Variants in ADGRV1 observed in about 807,000 individuals in gnomAD.
The protein encoded by ADGRV1 is G-protein coupled receptor 98.
A neutral mutation model predicts 596.2 loss-of-function variants in ADGRV1; 359 were observed. The ratio of observed to expected loss-of-function variants is 0.60; its 90% CI spans 0.55 to 0.66. The LOEUF is 0.66. Ranked by LOEUF, ADGRV1 falls within the 30% of genes least tolerant of loss-of-function variation. ADGRV1 has a pLI of 0.00. For missense variants in ADGRV1, 7,274 were observed against 7,575.6 expected (o/e 0.96, Z 1.48); for synonymous variants, 2,681 against 2,679.2 (o/e 1.00, Z -0.02).
chr5:90,685,628 AAATAAATAAATAAAAT>A (rs1463145365), intron 28 of ADGRV1, among the ~76,000 whole-genome samples, 136 bp from the exon 29 acceptor site: 4 of 149,198 alleles, frequency 2.7e-5, no homozygotes, highest in Admixed American at 6.7e-5. Context: ...ATAAATAAAT[AAATAAATAAATAAAAT>A]AAATAGTAGA....
chr5:90,729,958 C>T (rs1271069336), intron 50 of ADGRV1, among the ~76,000 whole-genome samples, 194 bp downstream of exon 50: 2 of 152,076 alleles, frequency 1.3e-5, no homozygotes, highest in African/African-American at 4.8e-5. Context: ...GCTCCGCCTC[C>T]CAGGTTCCGC....
At chr5:90,921,803 T>G (rs1004281344) in intron 83 of ADGRV1, among the ~76,000 whole-genome samples, 2 of 150,994 alleles carry the variant, frequency 1.3e-5, no homozygotes, top group African/African-American at 2.4e-5. Flanking sequence ...CTTGTTTTTT[T>G]TTTTTTTTTT....
intron 11 of ADGRV1, among the ~76,000 whole-genome samples, chr5:90,639,295 A>G (rs996804632): frequency 5.3e-5 from 8 of 152,202 alleles, no homozygotes; most frequent in Non-Finnish European, 1.0e-4. Flanking sequence ...CTTGAAAACA[A>G]CTAAAGAAAC....
At chr5:90,654,024 T>C in intron 20 of ADGRV1, 72 bp downstream of exon 20, 1 of 1,455,272 alleles carries the variant, frequency 6.9e-7, no homozygotes, top group Non-Finnish European at 9.4e-7. Context: ...ATTTAGATTT[T>C]TAAAAAAGTG....
intron 86 of ADGRV1, among the ~76,000 whole-genome samples, chr5:91,077,145 G>A (rs577154826): frequency 6.1e-4 from 93 of 152,224 alleles, no homozygotes; most frequent in African/African-American, 1.9e-3. Flanking sequence ...AAAGAATAAC[G>A]TATAACAAAA....
intron 21 of ADGRV1, among the ~76,000 whole-genome samples, chr5:90,669,228 T>G (rs1206603478): frequency 6.6e-6 from 1 of 152,194 alleles, no homozygotes; most frequent in African/African-American, 2.4e-5. Flanking sequence ...AATCCTGATG[T>G]AGATCCCTAA....
At position 90,817,249 on chromosome 5, in the gene ADGRV1, T is replaced by G. The variant is rs1213241642; in HGVS notation, c.16196+1513T>G. 1.3e-4 allele frequency among the ~76,000 whole-genome samples: 20 copies of G among 150,680 alleles called. No individual in the cohort carries two copies. In the East Asian group the frequency reaches 3.9e-3, roughly 29 times the overall value. On this transcript the variant is annotated intron_variant, in intron 75 of 89. Transcript: ENST00000405460. The stretch of plus-strand genomic sequence containing the variant: ...CTGTTCATGTCCTTCACCCACTTTT[T>G]GATGGGGTTGTTTGTTTTTTTTCTT...
intron 1 of ADGRV1, among the ~76,000 whole-genome samples, chr5:90,564,167 T>G (rs563632692): frequency 1.1e-4 from 17 of 152,390 alleles, no homozygotes; most frequent in Middle Eastern, 3.4e-3. Flanking sequence ...TGTGAAAGAA[T>G]TGATTTTCAT....
chr5:90,824,173 T>C (rs1488421787), intron 76 of ADGRV1, among the ~76,000 whole-genome samples: 2 of 152,248 alleles, frequency 1.3e-5, no homozygotes, highest in East Asian at 3.8e-4. Flanking sequence ...TACTAAGTGA[T>C]TTTCTTTTTG....
chr5:90,619,622 T>C (rs1763791600), intron 4 of ADGRV1, among the ~76,000 whole-genome samples: 2 of 152,126 alleles, frequency 1.3e-5, no homozygotes, highest in Admixed American at 6.5e-5. Context: ...TTATTATACT[T>C]TAAGTTTTAG....
chr5:90,894,855 A>C (rs1434157976), intron 83 of ADGRV1, among the ~76,000 whole-genome samples: 1 of 152,200 alleles, frequency 6.6e-6, no homozygotes. Context: ...TCTGGTCCTT[A>C]AGTCAAAGTG....
intron 86 of ADGRV1, among the ~76,000 whole-genome samples, chr5:91,075,966 A>C (rs1788824034): frequency 6.6e-6 from 1 of 152,160 alleles, no homozygotes. Context: ...GCTTATGTAA[A>C]GAAATCTTTA....
At chr5:91,020,274 T>C (rs542051533) in intron 85 of ADGRV1, among the ~76,000 whole-genome samples, 2 of 152,134 alleles carry the variant, frequency 1.3e-5, no homozygotes, top group East Asian at 3.9e-4. Flanking sequence ...TGTGTCCGGT[T>C]CCATTTCTCA....
intron 71 of ADGRV1, among the ~76,000 whole-genome samples, 158 bp downstream of exon 71, chr5:90,803,040 A>G (rs1312276910): frequency 1.3e-5 from 2 of 152,190 alleles, no homozygotes; most frequent in Non-Finnish European, 2.9e-5. Flanking sequence ...GATATATTAT[A>G]TAAAATAATT....
At chr5:91,033,433 T>G (rs1784634826) in intron 85 of ADGRV1, among the ~76,000 whole-genome samples, 1 of 152,206 alleles carries the variant, frequency 6.6e-6, no homozygotes, top group African/African-American at 2.4e-5. Flanking sequence ...ATAGTGTGAA[T>G]TTGGATGTCA....
intron 52 of ADGRV1, among the ~76,000 whole-genome samples, chr5:90,749,079 C>CA (rs1332093426): frequency 6.6e-6 from 1 of 152,156 alleles, no homozygotes; most frequent in Non-Finnish European, 1.5e-5. Context: ...AGCCTTGCAG[C>CA]AGATGGAGAG....
intron 85 of ADGRV1, among the ~76,000 whole-genome samples, chr5:91,052,941 T>A (rs1366960828): frequency 6.6e-6 from 1 of 152,206 alleles, no homozygotes; most frequent in Non-Finnish European, 1.5e-5. Context: ...ATATTAATGC[T>A]TTCTTCAGCT....
At chr5:90,650,473 GAAGTT>G (rs1287934549) in intron 17 of ADGRV1, among the ~76,000 whole-genome samples, 2 of 152,150 alleles carry the variant, frequency 1.3e-5, no homozygotes, top group Non-Finnish European at 2.9e-5. Flanking sequence ...ATTATCAAGT[GAAGTT>G]GAGTACAGTT....
chr5:90,802,382 ATTTTTATTTTTAT>A (rs1388488333), intron 70 of ADGRV1, among the ~76,000 whole-genome samples: 1 of 151,942 alleles, frequency 6.6e-6, no homozygotes, highest in Non-Finnish European at 1.5e-5. Context: ...AGCCCAGCTA[ATTTTTATTTTTAT>A]TTTTTATTTT....
Sources: allele counts gnomAD v4.1 joint callset (sites outside exome capture counted in the v4.1 genomes callset), GRCh38; gene constraint gnomAD v4.1.1; transcripts MANE v1.5; gene names NCBI Gene and HGNC (gene_info 2026-07-23, HGNC 2026-07-21).